Variants in FTCDNL1 observed in about 807,000 individuals in gnomAD.
The protein encoded by FTCDNL1 is formiminotransferase N-terminal subdomain-containing protein.
A neutral mutation model predicts 5.9 loss-of-function variants in FTCDNL1; 11 were observed. The ratio of observed to expected loss-of-function variants is 1.87; its 90% CI spans 1.18 to 3.10. The LOEUF (loss-of-function observed/expected upper bound fraction) is 3.10, where lower values mean the gene tolerates loss of function less well. Ranked by LOEUF, FTCDNL1 falls within the 30% of genes most tolerant of loss-of-function variation. FTCDNL1 has a pLI of 0.00. For missense variants in FTCDNL1, 115 were observed against 65.5 expected (o/e 1.76, Z -2.61); for synonymous variants, 58 against 24.8 (o/e 2.34, Z -3.99).
At chr2:199,787,216 C>T (rs569418269) in intron 3 of FTCDNL1, among the ~76,000 whole-genome samples, 2 of 151,764 alleles carry the variant, frequency 1.3e-5, no homozygotes, top group South Asian at 4.2e-4. Context: ...GAATCTCGCT[C>T]TGTCACCCAG....
the FTCDNL1 span, among the ~76,000 whole-genome samples, chr2:199,747,395 T>C: frequency 6.6e-6 from 1 of 152,168 alleles, no homozygotes; most frequent in Admixed American, 6.5e-5. Flanking sequence ...CTATGGTATA[T>C]GGAGTGTGCT....
At chr2:199,821,905 C>T (rs1240335732) in intron 3 of FTCDNL1, among the ~76,000 whole-genome samples, 1 of 152,148 alleles carries the variant, frequency 6.6e-6, no homozygotes, top group Non-Finnish European at 1.5e-5. Flanking sequence ...CTTTAAGGTA[C>T]AGGCATACCT....
chr2:199,746,470 T>C, the FTCDNL1 span, among the ~76,000 whole-genome samples: 3 of 152,030 alleles, frequency 2.0e-5, no homozygotes, highest in Admixed American at 6.6e-5. Flanking sequence ...GTCTATGCCA[T>C]GGTGCCAGCT....
At chr2:199,726,260 A>T in the FTCDNL1 span, among the ~76,000 whole-genome samples, 1 of 151,950 alleles carries the variant, frequency 6.6e-6, no homozygotes, top group African/African-American at 2.4e-5. Context: ...TCCTCTCTAA[A>T]ATGGTTATTC....
intron 3 of FTCDNL1, among the ~76,000 whole-genome samples, chr2:199,778,392 G>A (rs539676939): frequency 8.5e-5 from 13 of 152,254 alleles, no homozygotes; most frequent in African/African-American, 2.4e-4. Context: ...GTGGGATTAC[G>A]CAGAAATCCC....
chr2:199,670,464 A>C, the FTCDNL1 span, among the ~76,000 whole-genome samples: 1 of 152,214 alleles, frequency 6.6e-6, no homozygotes, highest in African/African-American at 2.4e-5. Context: ...CAATGGCAGA[A>C]ATCAAGAGAC....
At chr2:199,799,083 T>C (rs536119738) in intron 3 of FTCDNL1, among the ~76,000 whole-genome samples, 13 of 152,164 alleles carry the variant, frequency 8.5e-5, no homozygotes, top group African/African-American at 3.1e-4. Flanking sequence ...CAGCCCAGGG[T>C]TCCCTCCTGC....
chr2:199,767,625 TATAAAA>T (rs1698598666), intron 3 of FTCDNL1, among the ~76,000 whole-genome samples: 1 of 152,172 alleles, frequency 6.6e-6, no homozygotes, highest in South Asian at 2.1e-4. Context: ...TAAATATCCT[TATAAAA>T]CAGGCTTCAG....
the FTCDNL1 span, among the ~76,000 whole-genome samples, chr2:199,699,818 A>G: frequency 6.6e-6 from 1 of 152,230 alleles, no homozygotes; most frequent in Non-Finnish European, 1.5e-5. Flanking sequence ...ATCTCAATAG[A>G]TGCAGAAAAT....
intron 3 of FTCDNL1, among the ~76,000 whole-genome samples, chr2:199,762,350 G>T (rs1698312502): frequency 6.6e-6 from 1 of 152,258 alleles, no homozygotes; most frequent in African/African-American, 2.4e-5. Context: ...TTGCACTCCA[G>T]CCTGGGCAAC....
At chr2:199,782,630 G>C (rs1699424608) in intron 3 of FTCDNL1, among the ~76,000 whole-genome samples, 1 of 152,180 alleles carries the variant, frequency 6.6e-6, no homozygotes, top group Admixed American at 6.5e-5. Flanking sequence ...GGGTTTGTGG[G>C]ACTGGTGGAC....
At chr2:199,716,734 C>T in the FTCDNL1 span, among the ~76,000 whole-genome samples, 2 of 152,058 alleles carry the variant, frequency 1.3e-5, no homozygotes, top group Admixed American at 1.3e-4. Context: ...ACGGTTACAG[C>T]CTTAATAATT....
At chr2:199,769,640 T>G (rs1032740547) in intron 3 of FTCDNL1, among the ~76,000 whole-genome samples, 1 of 152,206 alleles carries the variant, frequency 6.6e-6, no homozygotes, top group African/African-American at 2.4e-5. Flanking sequence ...CTTGCCAGTG[T>G]GCAATCTGTT....
At chr2:199,676,619 T>C in the FTCDNL1 span, among the ~76,000 whole-genome samples, 1 of 152,024 alleles carries the variant, frequency 6.6e-6, no homozygotes, top group Non-Finnish European at 1.5e-5. Context: ...ATTGATGAGA[T>C]AAGAAGTAAA....
At chr2:199,788,989 T>C (rs1014040052) in intron 3 of FTCDNL1, among the ~76,000 whole-genome samples, 1 of 149,972 alleles carries the variant, frequency 6.7e-6, no homozygotes, top group Admixed American at 6.7e-5. Flanking sequence ...AAAACTTGAA[T>C]ATGGAAATTA....
At chr2:199,756,840 C>A (rs1011448336), downstream of FTCDNL1, among the ~76,000 whole-genome samples, 2 of 152,206 alleles carry the variant, frequency 1.3e-5, no homozygotes, top group African/African-American at 4.8e-5. Flanking sequence ...AGAGCCCAGA[C>A]TGATGGAGCA....
chr2:199,752,740 C>CTCTGTG, the FTCDNL1 span, among the ~76,000 whole-genome samples: 40 of 30,622 alleles, frequency 1.3e-3, no homozygotes, highest in African/African-American at 1.8e-3. Flanking sequence ...CTCTCTCTCT[C>CTCTGTG]TGTGTGTGTG....
the FTCDNL1 span, among the ~76,000 whole-genome samples, chr2:199,738,445 T>C: frequency 1.3e-5 from 2 of 152,222 alleles, no homozygotes; most frequent in African/African-American, 4.8e-5. Flanking sequence ...ATAAAATGGT[T>C]TATATTACAA....
chr2:199,844,400 T>TA, intron 3 of FTCDNL1: 1 of 618,478 alleles, frequency 1.6e-6, no homozygotes, highest in Non-Finnish European at 3.0e-6. Context: ...CACTCCACAC[T>TA]ATTCCACTGT....
Sources: allele counts gnomAD v4.1 joint callset (sites outside exome capture counted in the v4.1 genomes callset), GRCh38; gene constraint gnomAD v4.1.1; transcripts MANE v1.5; gene names NCBI Gene and HGNC (gene_info 2026-07-23, HGNC 2026-07-21).